Variants in FAM120C observed in about 807,000 individuals in gnomAD.
FAM120C encodes family with sequence similarity 120 member C.
A neutral mutation model predicts 71.2 loss-of-function variants in FAM120C; 14 were observed. That is an observed-to-expected ratio of 0.20 (90% CI 0.13 to 0.31). The LOEUF (loss-of-function observed/expected upper bound fraction) is 0.31, where lower values mean the gene tolerates loss of function less well. Among genes scored for constraint, FAM120C ranks in the 10% least tolerant of loss-of-function variants. The pLI is 1.00. For synonymous variants in FAM120C, 354 were observed against 353.2 expected (o/e 1.00, Z -0.03); for missense variants, 500 against 879.0 (o/e 0.57, Z 5.45).
chrX:54,089,884 G>A (rs1490219257), intron 11 of FAM120C, among the ~76,000 whole-genome samples: 2 of 109,460 alleles, frequency 1.8e-5, no homozygotes, highest in Non-Finnish European at 3.8e-5. Context: ...GCTTGAACCT[G>A]GGAGGCGGAG....
At position 54,081,373 on chromosome X, in the gene FAM120C, C is replaced by T. The variant is rs1224720886; in HGVS notation, c.2927G>A (p.Gly976Asp). 1.7e-6 allele frequency: 2 copies of T among 1,209,365 alleles called. No individual in the cohort carries two copies. Among genetic ancestry groups the T allele is most frequent in the Non-Finnish European group, 2.2e-6 (2 of 894,559 alleles). The change falls in exon 14 of 16, where the codon GGC becomes GAC. Residue 976 changes from glycine (G) to aspartate (D), a missense_variant. Gly to Asp is a moderately conservative substitution (Grantham distance 94). Around this residue, in one of 11 missense-constraint regions of FAM120C, gnomAD observed 85 missense variants for 96.1 expected, o/e 0.88. Transcript: ENST00000375180. The stretch of plus-strand genomic sequence containing the variant: ...CACTTGCATGCCGAAGGATCCTCGG[C>T]CCCTGGAGGATCTGCTGCCAGCCCA... ...GQWAGSRSSRGRGSFGMQVVS... is the reference protein window; with the variant it reads ...GQWAGSRSSRDRGSFGMQVVS...
chrX:54,169,188 C>T (rs1255466281), intron 1 of FAM120C, among the ~76,000 whole-genome samples: 1 of 110,983 alleles, frequency 9.0e-6, no homozygotes, highest in African/African-American at 3.3e-5. Flanking sequence ...GTCCCAGCTA[C>T]TCAGGAGGCT....
intron 8 of FAM120C, 51 bp downstream of exon 8, chrX:54,133,722 A>G: frequency 8.7e-7 from 1 of 1,151,083 alleles, no homozygotes; most frequent in Non-Finnish European, 1.2e-6. Flanking sequence ...CCTAGGAAGT[A>G]GGAAGTACAG....
At chrX:54,110,746 A>G (rs781953075) in intron 10 of FAM120C, among the ~76,000 whole-genome samples, 1 of 105,851 alleles carries the variant, frequency 9.4e-6, no homozygotes, top group East Asian at 2.9e-4. Context: ...GCCTGTCTCT[A>G]AAAAAAAAAC....
At chrX:54,116,113 A>C (rs1483768636) in intron 10 of FAM120C, among the ~76,000 whole-genome samples, 1 of 111,830 alleles carries the variant, frequency 8.9e-6, no homozygotes, top group Non-Finnish European at 1.9e-5. Flanking sequence ...AAACAATGAG[A>C]TGTACAGCAC....
intron 1 of FAM120C, among the ~76,000 whole-genome samples, chrX:54,173,318 G>A (rs976401439): frequency 8.9e-6 from 1 of 111,823 alleles, no homozygotes; most frequent in Non-Finnish European, 1.9e-5. Flanking sequence ...GTGCAATCTC[G>A]GCTCACCACA....
Position 54,151,211 on chromosome X carries a change from C to T in FAM120C, c.1158+34G>A, listed in dbSNP as rs879953336. ...GGTGTTGCTGAAGAAGGTAAGAAAA[C>T]GGAGGACTCTTAGGAAGGGGAATGC... is the stretch of plus-strand genomic sequence containing the variant. On this transcript the variant is annotated intron_variant, in intron 4 of 15. Coordinates refer to ENST00000375180, the MANE Select transcript of FAM120C (RefSeq NM_017848.6). 31 of 1,202,882 alleles carry T rather than the reference C, an allele frequency of 2.6e-5. No individual in the cohort carries two copies. In the Middle Eastern group the frequency reaches 1.2e-3, roughly 47 times the overall value.
intron 10 of FAM120C, among the ~76,000 whole-genome samples, chrX:54,104,646 A>G (rs1269821160): frequency 9.1e-6 from 1 of 109,804 alleles, no homozygotes; most frequent in Non-Finnish European, 1.9e-5. Flanking sequence ...CGTCTCTACT[A>G]AAAATACAAA....
intron 13 of FAM120C, among the ~76,000 whole-genome samples, chrX:54,082,484 C>CT (rs1170326091): frequency 2.7e-5 from 3 of 110,596 alleles, no homozygotes; most frequent in Non-Finnish European, 5.7e-5. Flanking sequence ...TCTCGGCTCA[C>CT]TGCAACCTCC....
intron 1 of FAM120C, among the ~76,000 whole-genome samples, chrX:54,164,932 T>TG (rs1445906946): frequency 9.0e-6 from 1 of 111,267 alleles, no homozygotes; most frequent in Non-Finnish European, 1.9e-5. Context: ...TTTTTGTGTG[T>TG]TTTTTTTAAC....
rs782370465 is a variant in FAM120C at position 54,145,371 on chromosome X, G to A, written c.1158+5874C>T. ...CAGCAAAAGAAACTACCATCAGAGTGAACAGGCAACCTACAGAATGGGAGA... is the reference window on the plus strand; with the variant it reads ...CAGCAAAAGAAACTACCATCAGAGTAAACAGGCAACCTACAGAATGGGAGA... On this transcript the variant is annotated intron_variant, in intron 4 of 15. Coordinates refer to ENST00000375180, the MANE Select transcript of FAM120C (RefSeq NM_017848.6). 3.6e-5 allele frequency among the ~76,000 whole-genome samples: 4 copies of A among 111,549 alleles called. No homozygotes were observed. The Admixed American group carries it at 3.8e-4, about 11-fold the overall frequency.
intron 1 of FAM120C, among the ~76,000 whole-genome samples, chrX:54,169,044 A>G (rs2067274005): frequency 8.9e-6 from 1 of 111,870 alleles, no homozygotes; most frequent in South Asian, 3.7e-4. Context: ...CTGTAATCCC[A>G]GCACTTTGTG....
intron 4 of FAM120C, among the ~76,000 whole-genome samples, chrX:54,141,444 A>G (rs1557131650): frequency 9.0e-6 from 1 of 111,316 alleles, no homozygotes. Context: ...TTGCCAAAAT[A>G]CAAACACCCA....
At chrX:54,086,536 C>A (rs1336032549) in intron 12 of FAM120C, among the ~76,000 whole-genome samples, 1 of 109,276 alleles carries the variant, frequency 9.2e-6, no homozygotes, top group Non-Finnish European at 1.9e-5. Context: ...GGTGGATCAC[C>A]TGAGGTCAGG....
chrX:54,180,378 T>C (rs1399047647), intron 1 of FAM120C, among the ~76,000 whole-genome samples: 1 of 112,394 alleles, frequency 8.9e-6, no homozygotes, highest in Non-Finnish European at 1.9e-5. Context: ...GGGCCACATT[T>C]TTCATCACTT....
intron 1 of FAM120C, among the ~76,000 whole-genome samples, chrX:54,179,697 TA>T (rs1156234590): frequency 3.6e-5 from 4 of 111,559 alleles, no homozygotes; most frequent in African/African-American, 1.3e-4. Flanking sequence ...ACTACACTCT[TA>T]AAAAGTCACT....
At chrX:54,128,684 A>G (rs2049229494) in intron 9 of FAM120C, among the ~76,000 whole-genome samples, 1 of 111,500 alleles carries the variant, frequency 9.0e-6, no homozygotes, top group African/African-American at 3.3e-5. Flanking sequence ...CTTAACGAGC[A>G]TGCTGCCTTC....
Position 54,137,502 on chromosome X carries a change from G to A in FAM120C, c.1159-912C>T, listed in dbSNP as rs950523562. ...ATAATAATCTAAGTAATTTTGAATGGCTGCATATTTTGTCATTATGAATGT... is the reference window on the plus strand; with the variant it reads ...ATAATAATCTAAGTAATTTTGAATGACTGCATATTTTGTCATTATGAATGT... On this transcript the variant is annotated intron_variant, in intron 4 of 15. Coordinates refer to ENST00000375180, the MANE Select transcript of FAM120C (RefSeq NM_017848.6). Among the ~76,000 whole-genome samples the A allele has an allele frequency of 2.7e-5, 3 of 111,566 alleles. No individual in the cohort carries two copies. The Admixed American group carries it at 2.9e-4, about 11-fold the overall frequency.
intron 3 of FAM120C, among the ~76,000 whole-genome samples, chrX:54,153,351 G>A (rs1466335821): frequency 9.1e-6 from 1 of 110,065 alleles, no homozygotes; most frequent in Non-Finnish European, 1.9e-5. Context: ...CACAGTAAAG[G>A]GCTTTGCAGG....
Sources: allele counts gnomAD v4.1 joint callset (sites outside exome capture counted in the v4.1 genomes callset), GRCh38; gene constraint gnomAD v4.1.1; regional missense constraint gnomAD v4.1.1; transcripts MANE v1.5; gene names NCBI Gene and HGNC (gene_info 2026-07-23, HGNC 2026-07-21).